The following FBXO32 variants were observed in gnomAD, a reference collection of about 807,000 sequenced individuals.
FBXO32 encodes the protein F-box only protein 32.
In FBXO32, 15 loss-of-function variants were observed where a neutral mutation model predicts 48.3. The observed-to-expected ratio is 0.31, with a 90% confidence interval of 0.21 to 0.48. The LOEUF is 0.48. Among genes scored for constraint, FBXO32 ranks in the 20% least tolerant of loss-of-function variants. The pLI is 0.99. For missense variants in FBXO32, 309 were observed against 432.7 expected (o/e 0.71, Z 2.54); for synonymous variants, 154 against 165.9 (o/e 0.93, Z 0.55).
chr8:123,519,180 A>C (rs930686446), intron 4 of FBXO32, among the ~76,000 whole-genome samples: 1 of 152,184 alleles, frequency 6.6e-6, no homozygotes, highest in Non-Finnish European at 1.5e-5. Context: ...ATCAATTTGC[A>C]TGGAGGGCCA....
intron 6 of FBXO32, among the ~76,000 whole-genome samples, chr8:123,512,529 CTTTTT>C (rs1205869212): frequency 1.5e-5 from 2 of 135,386 alleles, no homozygotes; most frequent in African/African-American, 2.7e-5. Flanking sequence ...GTCTTCCTCC[CTTTTT>C]TTTTTTTTTT....
rs1285383256 is a variant in FBXO32, at chr8:123,525,463, G to A, written c.372+6435C>T. ...GACTTGGGCTTATTCTCATTCTACA[G>A]AGAGAGCTAGGAGTAATCAGATCAA... On this transcript the variant is annotated intron_variant, in intron 4 of 8. Coordinates refer to ENST00000517956, the MANE Select transcript of FBXO32 (RefSeq NM_058229.4). This position sits in a 1 kb window ranked among gnomAD's most constrained non-coding sequence, Gnocchi z 4.3. Among the ~76,000 whole-genome samples, 1 of 152,210 alleles carries A rather than the reference G, an allele frequency of 6.6e-6. No homozygotes were observed. The highest frequency in any genetic ancestry group is 1.9e-4 in the East Asian group (1 of 5,204).
rs1816454785 is a variant in FBXO32 at position 123,500,291 on chromosome 8, T to C, written c.*3082A>G. ...CCAAATCTTAACATCCCTGTGGATT[T>C]GCTCATACTGCCCTGGGCAGAACTC... is the stretch of plus-strand genomic sequence containing the variant. On this transcript the variant is annotated 3_prime_UTR_variant, in exon 9 of 9. Coordinates refer to ENST00000517956, the MANE Select transcript of FBXO32 (RefSeq NM_058229.4). 6.6e-6 allele frequency: 1 copy of C among 152,244 alleles called. No homozygotes were observed. Among genetic ancestry groups the C allele is most frequent in the Non-Finnish European group, 1.5e-5 (1 of 68,042 alleles). 9.4% of individuals were successfully genotyped at this position (152,244 alleles called of 1,614,324 possible).
At chr8:123,526,944 C>A (rs1586999608) in intron 4 of FBXO32, 1 of 152,130 alleles carries the variant, frequency 6.6e-6, no homozygotes, top group Non-Finnish European at 1.5e-5. Context: ...CTGAACCCAA[C>A]TCTGCCATTT....
chr8:123,532,246 G>C (rs1817225533), intron 3 of FBXO32: 1 of 1,174,624 alleles, frequency 8.5e-7, no homozygotes, highest in East Asian at 4.2e-5. Context: ...TACCATTTGG[G>C]ACCTTGCTTA....
chr8:123,511,020 C>T (rs995336290), intron 6 of FBXO32, among the ~76,000 whole-genome samples: 9 of 152,306 alleles, frequency 5.9e-5, no homozygotes, highest in Admixed American at 4.6e-4. Context: ...TGGAGCTCCT[C>T]GTGCAGAAGA....
chr8:123,517,012 T>A (rs1816853162), intron 4 of FBXO32, among the ~76,000 whole-genome samples: 1 of 152,144 alleles, frequency 6.6e-6, no homozygotes, highest in Non-Finnish European at 1.5e-5. Context: ...TTCATTTACC[T>A]CCCTGACCAA....
At chr8:123,505,056 A>T (rs1257509044) in intron 7 of FBXO32, among the ~76,000 whole-genome samples, 1 of 152,236 alleles carries the variant, frequency 6.6e-6, no homozygotes, top group Non-Finnish European at 1.5e-5. Flanking sequence ...TGATCTCAGT[A>T]AACAACTTTA....
At position 123,513,945 on chromosome 8, in the gene FBXO32, G is replaced by T; in HGVS notation, c.466+295C>A. On this transcript the variant is annotated intron_variant, in intron 5 of 8. Transcript: ENST00000517956. The surrounding 1 kb of genome is among the most constrained non-coding windows in gnomAD (Gnocchi z 4.3). ...TTTTCTAGGAATTTGGGACCCGGAG[G>T]CTCGGTAGCCAGTGTTGGGACCTGT... 3.2e-6 allele frequency: 1 copy of T among 317,208 alleles called. No homozygotes were observed. Among genetic ancestry groups the T allele is most frequent in the African/African-American group, 2.1e-5 (1 of 46,916 alleles). 19.6% of individuals were successfully genotyped at this position (317,208 alleles called of 1,614,324 possible). A position where few individuals can be genotyped will look rare whatever the true frequency, so the allele number is the denominator to read the frequency against.
chr8:123,539,862 G>T (rs1263296642), intron 1 of FBXO32, among the ~76,000 whole-genome samples: 1 of 152,194 alleles, frequency 6.6e-6, no homozygotes, highest in East Asian at 1.9e-4. Flanking sequence ...GCAGGAAAAG[G>T]CTCCCAAGGG....
chr8:123,516,441 A>C (rs1816841357), intron 4 of FBXO32, among the ~76,000 whole-genome samples: 1 of 152,148 alleles, frequency 6.6e-6, no homozygotes, highest in Non-Finnish European at 1.5e-5. Context: ...GCCCAGCTTC[A>C]TTTCAGATCA....
intron 4 of FBXO32, among the ~76,000 whole-genome samples, chr8:123,524,611 C>T (rs77914425): frequency 1.3e-5 from 2 of 152,124 alleles, no homozygotes; most frequent in Non-Finnish European, 2.9e-5. Flanking sequence ...TCTTGGCTCC[C>T]GGGTTCAAGT....
At chr8:123,537,088 A>G (rs912221934) in intron 1 of FBXO32, among the ~76,000 whole-genome samples, 5 of 152,206 alleles carry the variant, frequency 3.3e-5, no homozygotes, top group African/African-American at 1.2e-4. Context: ...GCCTACTTAT[A>G]AGTTTTCTTT....
chr8:123,501,374 CAAAAAA>C lies in FBXO32; in HGVS notation c.*1993_*1998del, dbSNP rs750757695. On this transcript the variant is annotated 3_prime_UTR_variant, in exon 9 of 9. Transcript: ENST00000517956. ...GGGGAGAGGGATTGCAAAAAAAAAA[CAAAAAA>C]AAACAAAACAAAACACACACCTTAG... The C allele has an allele frequency of 6.9e-6, 1 of 144,644 alleles. No individual in the cohort carries two copies. Among genetic ancestry groups the C allele is most frequent in the African/African-American group, 2.5e-5 (1 of 39,270 alleles). 9.0% of individuals were successfully genotyped at this position (144,644 alleles called of 1,614,324 possible).
At chr8:123,509,358 T>C (rs1440936743) in intron 6 of FBXO32, among the ~76,000 whole-genome samples, 1 of 152,156 alleles carries the variant, frequency 6.6e-6, no homozygotes, top group Non-Finnish European at 1.5e-5. Context: ...TAATTAAGTC[T>C]TTTTTCTTTC....
Position 123,501,277 on chromosome 8 carries a change from T to G in FBXO32, c.*2096A>C, listed in dbSNP as rs1197214502. 1 of 151,304 alleles carries G rather than the reference T, an allele frequency of 6.6e-6. No individual in the cohort carries two copies. Among genetic ancestry groups the G allele is most frequent in the African/African-American group, 2.4e-5 (1 of 41,150 alleles). The allele number at this position is 151,304 out of a possible 1,614,324, so 9.4% of individuals were successfully genotyped here. On this transcript the variant is annotated 3_prime_UTR_variant, in exon 9 of 9. Coordinates refer to ENST00000517956, the MANE Select transcript of FBXO32 (RefSeq NM_058229.4). ...GGAAGCTGAGAAATTGGAGAGAACC[T>G]GACAATTATAGAAGAAGTAGCTTTT...
rs775536903 is a variant in FBXO32 at position 123,497,969 on chromosome 8, T to C, written c.*5404A>G. The stretch of plus-strand genomic sequence containing the variant: ...TGCCACCGTCTGGTACAAACAACTA[T>C]AAAAAATCAGTTCATCATGCAAGAA... On this transcript the variant is annotated 3_prime_UTR_variant, in exon 9 of 9. Coordinates refer to ENST00000517956, the MANE Select transcript of FBXO32 (RefSeq NM_058229.4). The C allele has an allele frequency of 3.3e-5, 5 of 152,166 alleles. No homozygotes were observed. The highest frequency in any genetic ancestry group is 5.9e-5 in the Non-Finnish European group (4 of 68,012). The allele number at this position is 152,166 out of a possible 1,614,324, so 9.4% of individuals were successfully genotyped here.
At position 123,498,838 on chromosome 8, in the gene FBXO32, A is replaced by G. The variant is rs932383294; in HGVS notation, c.*4535T>C. 6.6e-6 allele frequency: 1 copy of G among 152,218 alleles called. No individual in the cohort carries two copies. The highest frequency in any genetic ancestry group is 2.4e-5 in the African/African-American group (1 of 41,456). The allele number at this position is 152,218 out of a possible 1,614,324, so 9.4% of individuals were successfully genotyped here. The stretch of plus-strand genomic sequence containing the variant: ...TCTTTATAGCAAGCAGGTTGTACTC[A>G]CTGGAATGCCACATTCACAACAGAA... On this transcript the variant is annotated 3_prime_UTR_variant, in exon 9 of 9. Transcript: ENST00000517956.
intron 1 of FBXO32, among the ~76,000 whole-genome samples, chr8:123,536,645 G>A (rs1275848207): frequency 6.6e-6 from 1 of 152,150 alleles, no homozygotes; most frequent in Non-Finnish European, 1.5e-5. Context: ...TACTTAGAAA[G>A]AACACACACA....
Sources: gnomAD v4.1 joint callset for allele counts (sites outside exome capture counted in the v4.1 genomes callset) on GRCh38, gnomAD v4.1.1 for gene constraint, Gnocchi (gnomAD v3.1) non-coding constraint, MANE v1.5 for transcripts, NCBI Gene and HGNC (gene_info 2026-07-23, HGNC 2026-07-21) for gene names.